CSMD1: variants seen among roughly 807,000 people sequenced by gnomAD.
CSMD1 encodes the protein CUB and Sushi multiple domains 1.
Under a neutral mutation model 417.5 loss-of-function variants are expected in CSMD1, and 213 were observed. The observed-to-expected ratio is 0.51, with a 90% CI of 0.46 to 0.57. The LOEUF (loss-of-function observed/expected upper bound fraction) is 0.57, where lower values mean the gene tolerates loss of function less well. Among genes scored for constraint, CSMD1 ranks in the 20% least tolerant of loss-of-function variants. The pLI, the probability that CSMD1 is intolerant of heterozygous loss-of-function variation, is 0.00. For synonymous variants in CSMD1, 2,862 were observed against 1,736.8 expected (o/e 1.65, Z -16.11); for missense variants, 6,923 against 4,529.7 (o/e 1.53, Z -15.17).
At chr8:3,875,884 A>G (rs1055981306) in intron 5 of CSMD1, among the ~76,000 whole-genome samples, 3 of 152,192 alleles carry the variant, frequency 2.0e-5, no homozygotes, top group Admixed American at 2.0e-4. Flanking sequence ...CAAACTTGGT[A>G]GGAAATCACA....
intron 23 of CSMD1, among the ~76,000 whole-genome samples, chr8:3,310,476 T>G (rs1037484317): frequency 6.6e-6 from 1 of 152,198 alleles, no homozygotes; most frequent in Non-Finnish European, 1.5e-5. Flanking sequence ...CTGGCCACAC[T>G]TGGAGTCCAC....
At chr8:4,019,824 G>A (rs917725230) in intron 4 of CSMD1, among the ~76,000 whole-genome samples, 2 of 151,478 alleles carry the variant, frequency 1.3e-5, no homozygotes, top group African/African-American at 2.4e-5. Context: ...CTTTCACTAG[G>A]CACTCTTGTC....
rs74943116 is a variant in CSMD1, at chr8:3,091,704, G to A, written c.7139-42C>T. 2,922 of 1,575,930 alleles carry A rather than the reference G, an allele frequency of 1.9e-3. 51 individuals carry two copies. In the African/African-American group the frequency reaches 0.034, roughly 18 times the overall value. On this transcript the variant is annotated intron_variant, in intron 47 of 69. Transcript: ENST00000635120. ...AACAAAAACATTCAGAGATGAGTGA[G>A]CACCTACCAAATGCATACTAGGTTT...
chr8:3,402,591 G>A (rs564833857), intron 15 of CSMD1, among the ~76,000 whole-genome samples: 10 of 152,140 alleles, frequency 6.6e-5, no homozygotes, highest in Non-Finnish European at 1.5e-4. Context: ...AATAACCTAC[G>A]CTTTTAAATA....
chr8:3,716,372 G>C (rs1271203988), intron 6 of CSMD1, among the ~76,000 whole-genome samples: 1 of 152,244 alleles, frequency 6.6e-6, no homozygotes, highest in African/African-American at 2.4e-5. Flanking sequence ...GAACAGTCTT[G>C]AAGGCCGCTG....
At chr8:4,478,994 C>G (rs1233938116) in intron 2 of CSMD1, among the ~76,000 whole-genome samples, 1 of 152,138 alleles carries the variant, frequency 6.6e-6, no homozygotes, top group African/African-American at 2.4e-5. Context: ...AACGATAATT[C>G]CTACACTAAA....
intron 3 of CSMD1, among the ~76,000 whole-genome samples, chr8:4,119,076 C>T (rs1399322846): frequency 6.6e-6 from 1 of 151,992 alleles, no homozygotes; most frequent in East Asian, 1.9e-4. Context: ...GAACATCACA[C>T]ACAGGGACCT....
intron 5 of CSMD1, among the ~76,000 whole-genome samples, chr8:3,892,112 A>G (rs79880493): frequency 0.016 from 2,438 of 149,144 alleles, 63 homozygotes; most frequent in African/African-American, 0.055. Context: ...GGCAGGACAG[A>G]TACATAAGCT....
intron 5 of CSMD1, among the ~76,000 whole-genome samples, chr8:3,937,820 G>T (rs963302062): frequency 2.0e-5 from 3 of 152,106 alleles, no homozygotes; most frequent in African/African-American, 7.2e-5. Context: ...TGCTTACACA[G>T]GAAATTTTAT....
chr8:4,122,962 C>T (rs1417921477), intron 3 of CSMD1, among the ~76,000 whole-genome samples: 2 of 152,224 alleles, frequency 1.3e-5, no homozygotes, highest in African/African-American at 4.8e-5. Flanking sequence ...AGCACTGTGG[C>T]TAGACCTACG....
intron 3 of CSMD1, among the ~76,000 whole-genome samples, chr8:4,270,257 G>T (rs1369117585): frequency 6.6e-6 from 1 of 152,106 alleles, no homozygotes; most frequent in Non-Finnish European, 1.5e-5. Context: ...CTTACAAATA[G>T]TTCTCATTTT....
intron 1 of CSMD1, among the ~76,000 whole-genome samples, chr8:4,919,867 G>A (rs28594745): frequency 3.2e-4 from 49 of 152,188 alleles, no homozygotes; most frequent in African/African-American, 1.2e-3. Context: ...TGAAGGGAGA[G>A]CATTCCTTCC....
chr8:3,987,280 T>C (rs1814406353), intron 5 of CSMD1, among the ~76,000 whole-genome samples: 1 of 152,190 alleles, frequency 6.6e-6, no homozygotes, highest in South Asian at 2.1e-4. Flanking sequence ...AGTGTTTCTG[T>C]AACATGTTCT....
intron 3 of CSMD1, among the ~76,000 whole-genome samples, chr8:4,079,223 A>C (rs147531229): frequency 3.3e-5 from 5 of 152,256 alleles, no homozygotes; most frequent in South Asian, 2.1e-4. Context: ...GTTTGGTGGG[A>C]AACAACTGAA....
intron 2 of CSMD1, among the ~76,000 whole-genome samples, chr8:4,599,363 AATT>A (rs1800461059): frequency 6.7e-6 from 1 of 149,184 alleles, no homozygotes; most frequent in Admixed American, 6.7e-5. Flanking sequence ...ACCCTGGAAG[AATT>A]TTTTTTTTTT....
At chr8:4,032,595 A>G (rs1348953936) in intron 3 of CSMD1, among the ~76,000 whole-genome samples, 1 of 152,182 alleles carries the variant, frequency 6.6e-6, no homozygotes, top group Non-Finnish European at 1.5e-5. Flanking sequence ...TCAACATTTG[A>G]TGGATAAGCA....
chr8:4,890,767 G>A (rs745885329), intron 1 of CSMD1, among the ~76,000 whole-genome samples: 7 of 152,066 alleles, frequency 4.6e-5, no homozygotes, highest in Admixed American at 6.5e-5. Flanking sequence ...GGAAGAAAGC[G>A]CAATCACTTT....
chr8:3,110,346 A>G lies in CSMD1; in HGVS notation c.6431-11T>C, dbSNP rs376619718. On this transcript the variant is annotated splice_polypyrimidine_tract_variant and intron_variant, in intron 42 of 69. Transcript: ENST00000635120. ...TGTACCCACAAGGGGCTGCAAAGGA[A>G]ACCAAGAAAAAACAAGCGCCATACA... 124 of 1,586,296 alleles carry G rather than the reference A, an allele frequency of 7.8e-5. 1 individual carries two copies. Among genetic ancestry groups the G allele is most frequent in the Non-Finnish European group, 9.7e-5 (113 of 1,166,938 alleles).
At chr8:3,668,591 A>C (rs1040778980) in intron 7 of CSMD1, among the ~76,000 whole-genome samples, 1 of 152,074 alleles carries the variant, frequency 6.6e-6, no homozygotes, top group Non-Finnish European at 1.5e-5. Context: ...TACTACAGAA[A>C]ATATGCAAAA....
Sources: allele counts gnomAD v4.1 joint callset (sites outside exome capture counted in the v4.1 genomes callset), GRCh38; gene constraint gnomAD v4.1.1; transcripts MANE v1.5; gene names NCBI Gene and HGNC (gene_info 2026-07-23, HGNC 2026-07-21).